IQSEC3: variants seen among roughly 807,000 people sequenced by gnomAD.
IQSEC3 encodes the protein IQ motif and Sec7 domain ArfGEF 3.
IQSEC3 carries 50 observed loss-of-function variants against 105.4 expected under a neutral mutation model. The observed-to-expected ratio is 0.47, with a 90% confidence interval of 0.38 to 0.60. The LOEUF (loss-of-function observed/expected upper bound fraction) is 0.60, where lower values mean the gene tolerates loss of function less well. IQSEC3 is among the 20% of genes least tolerant of loss of function. IQSEC3 has a pLI of 0.00. For missense variants in IQSEC3, 1,415 were observed against 1,630.0 expected, an observed-to-expected ratio of 0.87 and a Z score of 2.27; for synonymous variants, 708 against 746.0, an observed-to-expected ratio of 0.95 and a Z score of 0.83.
intron 1 of IQSEC3, among the ~76,000 whole-genome samples, chr12:90,188 G>A (rs535615077): frequency 1.1e-4 from 17 of 152,312 alleles, no homozygotes; most frequent in African/African-American, 2.6e-4. Context: ...AGATCTTGTC[G>A]TGTGCTTGTT....
chr12:83,119 T>A (rs1458205433), intron 1 of IQSEC3, among the ~76,000 whole-genome samples: 1 of 152,034 alleles, frequency 6.6e-6, no homozygotes, highest in East Asian at 1.9e-4. Context: ...AGGGAAAAAA[T>A]TAAAATGTGA....
Position 165,479 on chromosome 12 carries a change from T to A in IQSEC3, c.2755T>A (p.Phe919Ile), listed in dbSNP as rs1555097986. 4.3e-6 allele frequency: 7 copies of A among 1,614,116 alleles called. No homozygotes were observed. Among genetic ancestry groups the A allele is most frequent in the Middle Eastern group, 1.7e-4 (1 of 6,060 alleles). ...PKKKSSSTYTFCKSVGLLGMQ... is the reference protein window; with the variant it reads ...PKKKSSSTYTICKSVGLLGMQ... ...GAAGAAGAGCTCCTCCACGTACACC[T>A]TTTGCAAGTCAGTTGGCCTGCTGGG... Residue 919 changes from phenylalanine (F) to isoleucine (I), a missense_variant, in exon 10 of 14, where the codon TTT becomes ATT. Transcript: ENST00000538872.
At chr12:134,677 G>T (rs962623067) in intron 3 of IQSEC3, among the ~76,000 whole-genome samples, 3 of 142,572 alleles carry the variant, frequency 2.1e-5, no homozygotes, top group Non-Finnish European at 3.1e-5. Flanking sequence ...GCGGATCACC[G>T]AGGTGCCAGG....
At chr12:157,407 T>C in intron 6 of IQSEC3, 121 bp from the exon 7 acceptor site, 1 of 1,194,254 alleles carries the variant, frequency 8.4e-7, no homozygotes, top group African/African-American at 1.6e-5. Flanking sequence ...CAGACACTGG[T>C]CTCCCTGGAC....
In IQSEC3 at chr12:157,103, G is replaced by A; in HGVS notation, c.2232G>A (p.Val744=). 6.2e-7 allele frequency: 1 copy of A among 1,601,562 alleles called. No homozygotes were observed. Among genetic ancestry groups the A allele is most frequent in the African/African-American group, 1.3e-5 (1 of 74,794 alleles). ...GCAAGTTCCAGGCACACATCCGTGT[G>A]CAGGGGGAGGCTCAGAAGGTGGAGC... ...ALRKFQAHIR[V]QGEAQKVERL... Residue 744 remains valine, a synonymous_variant, in exon 6 of 14, where the codon GTG becomes GTA. Transcript: ENST00000538872.
intron 1 of IQSEC3, among the ~76,000 whole-genome samples, chr12:80,420 A>G (rs1355182038): frequency 6.6e-6 from 1 of 152,182 alleles, no homozygotes; most frequent in African/African-American, 2.4e-5. Flanking sequence ...CGATCTGATA[A>G]ATAAATAGAT....
At chr12:161,203 A>G (rs1555096088) in intron 7 of IQSEC3, among the ~76,000 whole-genome samples, 1 of 152,196 alleles carries the variant, frequency 6.6e-6, no homozygotes, top group African/African-American at 2.4e-5. Flanking sequence ...TCCCTCTTAT[A>G]AAAGAAGCGT....
rs1441097248 is a variant in IQSEC3, at chr12:119,802, G to A, written c.624-5831G>A. On this transcript the variant is annotated intron_variant, in intron 2 of 13. Coordinates refer to ENST00000538872, the MANE Select transcript of IQSEC3 (RefSeq NM_001170738.2). ...GCCTGCGTGTGGACAGCCCTTGGAA[G>A]GATGTGACTTTGGGCCAGGTAGCTC... 3.9e-5 allele frequency among the ~76,000 whole-genome samples: 6 copies of A among 152,190 alleles called. No homozygotes were observed. The East Asian group carries it at 1.2e-3, about 29-fold the overall frequency.
At chr12:114,728 T>C (rs1004162476) in intron 2 of IQSEC3, among the ~76,000 whole-genome samples, 4 of 152,138 alleles carry the variant, frequency 2.6e-5, no homozygotes, top group Non-Finnish European at 5.9e-5. Context: ...GCCAACAGTT[T>C]GACTGCCTGT....
chr12:136,730 A>G (rs1299560082), intron 3 of IQSEC3, among the ~76,000 whole-genome samples: 1 of 152,120 alleles, frequency 6.6e-6, no homozygotes, highest in Non-Finnish European at 1.5e-5. Flanking sequence ...TCTGGTTGTG[A>G]ATAGGAAACA....
At chr12:143,835 G>GTGTT (rs1866144017) in intron 5 of IQSEC3, 1 of 154,760 alleles carries the variant, frequency 6.5e-6, no homozygotes. Flanking sequence ...CCGTGTGTGT[G>GTGTT]TGTGTGTGTG....
intron 8 of IQSEC3, among the ~76,000 whole-genome samples, chr12:162,771 T>C (rs1258001725): frequency 6.6e-6 from 1 of 152,170 alleles, no homozygotes; most frequent in African/African-American, 2.4e-5. Flanking sequence ...TCTTACACGC[T>C]GGAGTAGATG....
At chr12:105,662 T>C (rs782263388) in intron 2 of IQSEC3, among the ~76,000 whole-genome samples, 1 of 152,298 alleles carries the variant, frequency 6.6e-6, no homozygotes, top group East Asian at 1.9e-4. Context: ...AAAACCAAAA[T>C]AGAGGTCAAA....
intron 3 of IQSEC3, among the ~76,000 whole-genome samples, chr12:134,542 A>G (rs903083831): frequency 6.6e-6 from 1 of 152,244 alleles, no homozygotes; most frequent in Non-Finnish European, 1.5e-5. Context: ...CGTGCTGCAA[A>G]AGGATGCTCT....
intron 7 of IQSEC3, among the ~76,000 whole-genome samples, chr12:158,235 C>G (rs554577653): frequency 6.6e-6 from 1 of 152,114 alleles, no homozygotes; most frequent in East Asian, 1.9e-4. Flanking sequence ...TTAATAAAGT[C>G]AAATAATCCT....
At chr12:167,180 G>A (rs1413167075) in intron 11 of IQSEC3, 3 of 152,178 alleles carry the variant, frequency 2.0e-5, no homozygotes, top group Admixed American at 6.5e-5. Flanking sequence ...GGGCTGGACC[G>A]GATCCCCAGA....
intron 3 of IQSEC3, among the ~76,000 whole-genome samples, chr12:129,427 C>T (rs1865518998): frequency 6.6e-6 from 1 of 152,176 alleles, no homozygotes; most frequent in Admixed American, 6.5e-5. Flanking sequence ...CCTGTTCTCC[C>T]TGCTGGCCCC....
Position 176,830 on chromosome 12 carries a change from AG to A in IQSEC3, c.*1798del, listed in dbSNP as rs1240326900. The A allele has an allele frequency of 6.6e-6, 1 of 152,086 alleles. No homozygotes were observed. Among genetic ancestry groups the A allele is most frequent in the Non-Finnish European group, 1.5e-5 (1 of 68,050 alleles). 9.4% of individuals were successfully genotyped at this position (152,086 alleles called of 1,614,324 possible). On this transcript the variant is annotated 3_prime_UTR_variant, in exon 14 of 14. Transcript: ENST00000538872. This position sits in a 1 kb window ranked among gnomAD's most constrained non-coding sequence, Gnocchi z 4.0. ...AGATGCTCCAGTCATTGCCTTTCAG[AG>A]TGGAGCAGATGACAGATGGGGTGCA...
chr12:171,300 T>A, intron 13 of IQSEC3, 139 bp downstream of exon 13: 1 of 1,613,894 alleles, frequency 6.2e-7, no homozygotes, highest in East Asian at 2.2e-5. Context: ...TTTCAAGAGA[T>A]ACAATTAAAA....
Sources: allele counts gnomAD v4.1 joint callset (sites outside exome capture counted in the v4.1 genomes callset), GRCh38; gene constraint gnomAD v4.1.1; non-coding constraint Gnocchi (gnomAD v3.1); transcripts MANE v1.5; gene names NCBI Gene and HGNC (gene_info 2026-07-23, HGNC 2026-07-21).